The following LEMD1 variants were observed in gnomAD, a reference collection of about 807,000 sequenced individuals.
LEMD1 encodes the protein LEM domain containing 1, also known as LEM domain-containing protein 1.
In LEMD1, 18 loss-of-function variants were observed where a neutral mutation model predicts 17.4. The observed-to-expected ratio is 1.04, with a 90% CI of 0.72 to 1.54. The LOEUF is 1.54. Among genes scored for constraint, LEMD1 ranks in the 40% most tolerant of loss-of-function variants. The pLI, the probability that LEMD1 is intolerant of heterozygous loss-of-function variation, is 0.00. For synonymous variants in LEMD1, 88 were observed against 77.8 expected (o/e 1.13, Z -0.69); for missense variants, 195 against 210.4 (o/e 0.93, Z 0.45).
At chr1:205,435,389 G>A (rs767116866) in intron 1 of LEMD1, 1 of 152,232 alleles carries the variant, frequency 6.6e-6, no homozygotes, top group Non-Finnish European at 1.5e-5. Flanking sequence ...ATTAGACCCT[G>A]TCTTCAAGAG....
chr1:205,447,426 C>T (rs1213818086), intron 1 of LEMD1, among the ~76,000 whole-genome samples: 2 of 152,112 alleles, frequency 1.3e-5, no homozygotes, highest in African/African-American at 4.8e-5. Context: ...AAATCTAGTG[C>T]TTTCTGTGAT....
At chr1:205,402,310 C>T (rs866348630) in intron 4 of LEMD1, among the ~76,000 whole-genome samples, 23 of 152,208 alleles carry the variant, frequency 1.5e-4, no homozygotes, top group Admixed American at 5.2e-4. Context: ...GCCATTTTCA[C>T]GATATTGATT....
intron 2 of LEMD1, 78 bp from the exon 3 acceptor site, chr1:205,419,430 ACT>A: frequency 6.6e-7 from 1 of 1,509,838 alleles, no homozygotes; most frequent in Non-Finnish European, 9.1e-7. Context: ...GTATTTCATA[ACT>A]CAGAATTTTA....
intron 4 of LEMD1, among the ~76,000 whole-genome samples, chr1:205,395,476 C>T (rs1009956173): frequency 2.6e-5 from 4 of 151,748 alleles, no homozygotes; most frequent in Non-Finnish European, 5.9e-5. Context: ...TGCCTGTAAT[C>T]CCAGCTACTC....
intron 1 of LEMD1, 129 bp from the exon 2 acceptor site, chr1:205,420,703 A>C (rs937382184): frequency 6.7e-6 from 4 of 596,218 alleles, no homozygotes; most frequent in Non-Finnish European, 9.0e-6. Context: ...TAAAGCAAAA[A>C]TCAACACTTT....
chr1:205,439,770 C>T (rs1024336038), intron 1 of LEMD1, among the ~76,000 whole-genome samples: 1 of 152,202 alleles, frequency 6.6e-6, no homozygotes, highest in Non-Finnish European at 1.5e-5. Context: ...CTGCTGCTGG[C>T]ATTCGTCTCT....
chr1:205,449,208 G>A (rs1461083990), intron 1 of LEMD1, among the ~76,000 whole-genome samples: 2 of 152,150 alleles, frequency 1.3e-5, no homozygotes, highest in Non-Finnish European at 2.9e-5. Context: ...GGATTGAAGA[G>A]CTGAGTTAAG....
intron 1 of LEMD1, chr1:205,435,682 C>T (rs374260448): frequency 1.5e-4 from 23 of 152,324 alleles, no homozygotes; most frequent in African/African-American, 5.1e-4. Context: ...GTTTAATTTT[C>T]CCAAGAAGGG....
chr1:205,419,431 C>A, intron 2 of LEMD1, 79 bp from the exon 3 acceptor site: 3 of 1,504,794 alleles, frequency 2.0e-6, no homozygotes, highest in Admixed American at 1.7e-5. Flanking sequence ...TATTTCATAA[C>A]TCAGAATTTT....
intron 4 of LEMD1, among the ~76,000 whole-genome samples, chr1:205,387,659 T>C (rs1664099334): frequency 6.6e-6 from 1 of 152,236 alleles, no homozygotes; most frequent in Non-Finnish European, 1.5e-5. Flanking sequence ...CAAAGATGGC[T>C]GTTTTAGCAA....
intron 4 of LEMD1, among the ~76,000 whole-genome samples, chr1:205,407,565 C>T (rs950547643): frequency 6.6e-6 from 1 of 152,140 alleles, no homozygotes; most frequent in South Asian, 2.1e-4. Flanking sequence ...GGAAACTCTG[C>T]GTCTCTTGCC....
chr1:205,418,830 A>G (rs1558734669), intron 3 of LEMD1, among the ~76,000 whole-genome samples: 1 of 152,166 alleles, frequency 6.6e-6, no homozygotes. Flanking sequence ...ATCTTTCTTA[A>G]TAGGCATAAA....
rs982086129 is a variant in LEMD1, at chr1:205,404,929, G to A, written c.270+11303C>T. 5.3e-5 allele frequency among the ~76,000 whole-genome samples: 8 copies of A among 151,864 alleles called. No homozygotes were observed. The East Asian group carries it at 9.7e-4, about 18-fold the overall frequency. ...CAAAATCTCTCAGCATTTGCTTGTC[G>A]GTAAAGTATTTTATTTCTCCTTCAC... On this transcript the variant is annotated intron_variant, in intron 4 of 5. Transcript: ENST00000367153.
At chr1:205,403,452 T>G (rs1308217324) in intron 4 of LEMD1, among the ~76,000 whole-genome samples, 4 of 152,330 alleles carry the variant, frequency 2.6e-5, no homozygotes, top group African/African-American at 9.6e-5. Context: ...GTCGAGGAAT[T>G]TATCCATTTC....
chr1:205,400,467 G>A (rs372340006), intron 4 of LEMD1, among the ~76,000 whole-genome samples: 6 of 152,154 alleles, frequency 3.9e-5, no homozygotes, highest in East Asian at 3.9e-4. Flanking sequence ...AGAGCACAGC[G>A]CCATTTCTAA....
chr1:205,441,604 T>C lies in LEMD1; in HGVS notation c.-39+8264A>G, dbSNP rs1666295011. ...CCTCCCTTCCTTAACAACCCCAAGT[T>C]GTCTGACACCCTAGGAAAGCCTATA... On this transcript the variant is annotated intron_variant, in intron 1 of 3. Transcript: ENST00000367154. The surrounding 1 kb of genome is among the most constrained non-coding windows in gnomAD (Gnocchi z 4.3). Among the ~76,000 whole-genome samples, 1 of 152,138 alleles carries C rather than the reference T, an allele frequency of 6.6e-6. No homozygotes were observed. The highest frequency in any genetic ancestry group is 2.1e-4 in the South Asian group (1 of 4,828).
intron 4 of LEMD1, among the ~76,000 whole-genome samples, chr1:205,396,630 A>G (rs746174090): frequency 2.0e-5 from 3 of 152,246 alleles, no homozygotes; most frequent in African/African-American, 4.8e-5. Context: ...AAAGCTACCA[A>G]TAATGACCAT....
upstream of LEMD1, among the ~76,000 whole-genome samples, chr1:205,424,752 A>G (rs1203981070): frequency 6.6e-6 from 1 of 152,180 alleles, no homozygotes; most frequent in Non-Finnish European, 1.5e-5. Context: ...GTCGGGTTGA[A>G]TAGGTGGATC....
At chr1:205,449,137 C>T (rs935594481) in intron 1 of LEMD1, among the ~76,000 whole-genome samples, 3 of 152,164 alleles carry the variant, frequency 2.0e-5, no homozygotes, top group Non-Finnish European at 4.4e-5. Flanking sequence ...GGGAGGGGTG[C>T]GCAGTGCCCT....
Sources: allele counts gnomAD v4.1 joint callset (sites outside exome capture counted in the v4.1 genomes callset), GRCh38; gene constraint gnomAD v4.1.1; non-coding constraint Gnocchi (gnomAD v3.1); transcripts MANE v1.5; gene names NCBI Gene and HGNC (gene_info 2026-07-23, HGNC 2026-07-21).